Variants in PSTPIP1 observed in about 807,000 individuals in gnomAD.
The protein encoded by PSTPIP1 is proline-serine-threonine phosphatase-interacting protein 1.
Under a neutral mutation model 69.6 loss-of-function variants are expected in PSTPIP1, and 66 were observed. The observed-to-expected ratio is 0.95, with a 90% CI of 0.78 to 1.16. The LOEUF (loss-of-function observed/expected upper bound fraction) is 1.16, where lower values mean the gene tolerates loss of function less well. PSTPIP1 is among the 50% of genes most tolerant of loss of function. PSTPIP1 has a pLI of 0.00. For missense variants in PSTPIP1, 603 were observed against 557.4 expected, an observed-to-expected ratio of 1.08 and a Z score of -0.82; for synonymous variants, 266 against 222.7, an observed-to-expected ratio of 1.19 and a Z score of -1.73.
chr15:76,995,877 A>G (rs2075568290), intron 1 of PSTPIP1, among the ~76,000 whole-genome samples: 1 of 152,172 alleles, frequency 6.6e-6, no homozygotes. Flanking sequence ...GGAGCTCCTC[A>G]GAAGAGGGTA....
chr15:77,017,531 G>A (rs932517781), intron 1 of PSTPIP1, among the ~76,000 whole-genome samples: 1 of 150,662 alleles, frequency 6.6e-6, no homozygotes, highest in Non-Finnish European at 1.5e-5. Context: ...ATCTCCGTGA[G>A]GGGGGGTTTC....
chr15:77,022,873 C>T (rs2076190696), intron 3 of PSTPIP1, among the ~76,000 whole-genome samples: 1 of 152,206 alleles, frequency 6.6e-6, no homozygotes, highest in Non-Finnish European at 1.5e-5. Flanking sequence ...CCTGCCTGCC[C>T]AGGTACCCCA....
chr15:77,035,602 C>T, intron 13 of PSTPIP1, 39 bp downstream of exon 13: 2 of 1,548,528 alleles, frequency 1.3e-6, no homozygotes, highest in Middle Eastern at 1.7e-4. Flanking sequence ...ACACACTGAT[C>T]CTGGGGGGGA....
chr15:77,031,434 A>G, intron 10 of PSTPIP1, 156 bp downstream of exon 10: 1 of 681,836 alleles, frequency 1.5e-6, no homozygotes, highest in South Asian at 1.7e-5. Context: ...CTTTGCCCCC[A>G]GAACCCCAAG....
intron 1 of PSTPIP1, chr15:77,007,950 G>A (rs2075850489): frequency 2.2e-6 from 1 of 455,870 alleles, no homozygotes; most frequent in Non-Finnish European, 4.4e-6. Context: ...TCCCTTCTTG[G>A]TCACCTCCTG....
chr15:77,025,157 A>T, intron 3 of PSTPIP1, 127 bp from the exon 4 acceptor site: 1 of 1,066,488 alleles, frequency 9.4e-7, no homozygotes, highest in Non-Finnish European at 1.4e-6. Flanking sequence ...CCTTGGTTCT[A>T]GAGTGACCCA....
chr15:77,017,688 A>C (rs185298667), intron 1 of PSTPIP1, among the ~76,000 whole-genome samples: 1 of 152,358 alleles, frequency 6.6e-6, no homozygotes, highest in Non-Finnish European at 1.5e-5. Context: ...AGGCCAGGCC[A>C]GCCACTTTCC....
At chr15:77,036,698 G>A (rs930009980) in intron 14 of PSTPIP1, among the ~76,000 whole-genome samples, 1 of 152,114 alleles carries the variant, frequency 6.6e-6, no homozygotes, top group African/African-American at 2.4e-5. Context: ...GCTGGGGACC[G>A]CAAAGGGGAG....
At chr15:77,002,657 T>C (rs1191123009) in intron 1 of PSTPIP1, among the ~76,000 whole-genome samples, 1 of 152,230 alleles carries the variant, frequency 6.6e-6, no homozygotes, top group African/African-American at 2.4e-5. Flanking sequence ...CAGAGGTTTG[T>C]GGTCATGCTT....
chr15:77,021,842 G>C (rs533790009), intron 3 of PSTPIP1, among the ~76,000 whole-genome samples: 2 of 152,248 alleles, frequency 1.3e-5, no homozygotes, highest in Non-Finnish European at 1.5e-5. Flanking sequence ...ATCCCTCAAG[G>C]CCTGCCTGAA....
chr15:77,036,938 G>T (rs928055700), intron 14 of PSTPIP1, 107 bp from the exon 15 acceptor site: 1 of 1,478,086 alleles, frequency 6.8e-7, no homozygotes, highest in African/African-American at 1.4e-5. Flanking sequence ...TGCCCACCCT[G>T]GGAGACATGC....
At chr15:77,015,323 C>G (rs2152676662) in intron 1 of PSTPIP1, among the ~76,000 whole-genome samples, 1 of 152,290 alleles carries the variant, frequency 6.6e-6, no homozygotes. Flanking sequence ...CTGCCCTTTA[C>G]CCATTGAGTG....
intron 3 of PSTPIP1, among the ~76,000 whole-genome samples, chr15:77,021,145 G>T (rs1395086727): frequency 6.6e-6 from 1 of 152,188 alleles, no homozygotes; most frequent in African/African-American, 2.4e-5. Flanking sequence ...GAGCCCTGAG[G>T]GCAGAACTGC....
intron 8 of PSTPIP1, 77 bp from the exon 9 acceptor site, chr15:77,030,425 C>T: frequency 6.8e-7 from 1 of 1,475,578 alleles, no homozygotes; most frequent in Non-Finnish European, 9.3e-7. Flanking sequence ...GAGGAGGCAT[C>T]CAGGATGGGA....
chr15:77,002,792 AC>A (rs765072290), intron 1 of PSTPIP1, among the ~76,000 whole-genome samples: 7 of 152,120 alleles, frequency 4.6e-5, no homozygotes, highest in Non-Finnish European at 1.0e-4. Context: ...CTTCTTGATG[AC>A]CCACTTTGTG....
chr15:77,028,979 T>C (rs1435384520), intron 7 of PSTPIP1, among the ~76,000 whole-genome samples: 1 of 152,162 alleles, frequency 6.6e-6, no homozygotes, highest in Non-Finnish European at 1.5e-5. Flanking sequence ...TAGGCCCATG[T>C]CACAGAGAGG....
upstream of PSTPIP1, chr15:76,994,758 C>G (rs773463039): frequency 7.8e-7 from 1 of 1,289,100 alleles, no homozygotes; most frequent in South Asian, 1.2e-5. Context: ...GAGGGCAGGA[C>G]CTGGTTTGGG....
intron 1 of PSTPIP1, among the ~76,000 whole-genome samples, chr15:77,016,965 T>C (rs1249847899): frequency 6.6e-6 from 1 of 151,892 alleles, no homozygotes; most frequent in Non-Finnish European, 1.5e-5. Flanking sequence ...GAGACTGTAA[T>C]GTGTGTGGTC....
At chr15:76,998,487 A>G (rs183066761) in intron 1 of PSTPIP1, among the ~76,000 whole-genome samples, 7 of 152,308 alleles carry the variant, frequency 4.6e-5, no homozygotes, top group African/African-American at 7.2e-5. Flanking sequence ...CTCAGGTCCT[A>G]TGAACTCTAA....
Sources: allele counts gnomAD v4.1 joint callset (sites outside exome capture counted in the v4.1 genomes callset), GRCh38; gene constraint gnomAD v4.1.1; transcripts MANE v1.5; gene names NCBI Gene and HGNC (gene_info 2026-07-23, HGNC 2026-07-21).